Variants in SARNP observed in about 807,000 individuals in gnomAD.
SARNP encodes the protein SAP domain containing ribonucleoprotein, also known as SAP domain-containing ribonucleoprotein.
In SARNP, 5 loss-of-function variants were observed where a neutral mutation model predicts 38.1. That is an observed-to-expected ratio of 0.13 (90% CI 0.07 to 0.28). SARNP has a LOEUF of 0.28. Ranked by LOEUF, SARNP falls within the 10% of genes least tolerant of loss-of-function variation. SARNP has a pLI of 1.00. For missense variants in SARNP, 180 were observed against 243.9 expected (o/e 0.74, Z 1.75); for synonymous variants, 84 against 80.6 (o/e 1.04, Z -0.23).
chr12:55,805,937 T>A (rs1397340399), intron 1 of SARNP, among the ~76,000 whole-genome samples: 1 of 151,910 alleles, frequency 6.6e-6, no homozygotes, highest in African/African-American at 2.4e-5. Flanking sequence ...TTGAGGAGGC[T>A]GAGGCAGGAG....
chr12:55,813,539 A>T (rs1232689207), intron 1 of SARNP, among the ~76,000 whole-genome samples: 4 of 108,088 alleles, frequency 3.7e-5, no homozygotes, highest in Non-Finnish European at 5.2e-5. Context: ...GCTGCCTGGA[A>T]TTTTTTTTTT....
chr12:55,757,881 A>C (rs762785166), intron 10 of SARNP, among the ~76,000 whole-genome samples: 3 of 152,206 alleles, frequency 2.0e-5, no homozygotes, highest in Non-Finnish European at 2.9e-5. Context: ...GCTAGCCTGG[A>C]AACAATGGGC....
chr12:55,817,693 G>C lies in SARNP; in HGVS notation c.9C>G (p.Thr3=), dbSNP rs1192755394. The C allele has an allele frequency of 3.1e-6, 5 of 1,612,858 alleles. No homozygotes were observed. Among genetic ancestry groups the C allele is most frequent in the Non-Finnish European group, 2.5e-6 (3 of 1,179,570 alleles). The change falls in exon 1 of 11, where the codon ACC becomes ACG. Residue 3 remains threonine (T), a synonymous_variant. Coordinates refer to ENST00000336133, the MANE Select transcript of SARNP (RefSeq NM_033082.4). Reference sequence around the variant, plus strand: ...TTAGCTTATGGAGCTCCACCGTCTCGGTCGCCATCTTGTTACCCCTCACTC... The same window carrying C: ...TTAGCTTATGGAGCTCCACCGTCTCCGTCGCCATCTTGTTACCCCTCACTC... MA[T]ETVELHKLKL...
At chr12:55,804,171 T>C (rs1880067492) in intron 1 of SARNP, among the ~76,000 whole-genome samples, 1 of 152,240 alleles carries the variant, frequency 6.6e-6, no homozygotes, top group South Asian at 2.1e-4. Context: ...ATCTACCATA[T>C]ACATGCATAC....
intron 1 of SARNP, among the ~76,000 whole-genome samples, chr12:55,808,363 G>C (rs539504952): frequency 6.6e-6 from 1 of 151,740 alleles, no homozygotes; most frequent in Admixed American, 6.6e-5. Context: ...TTGCTGCCCA[G>C]GCTGGAGTGC....
chr12:55,757,588 T>C (rs747541984), intron 10 of SARNP, 35 bp from the exon 11 acceptor site: 51 of 1,576,786 alleles, frequency 3.2e-5, no homozygotes, highest in Non-Finnish European at 4.3e-5. Flanking sequence ...AAAATTAGAC[T>C]GAAGACAATA....
chr12:55,770,271 G>A (rs1878967222), intron 9 of SARNP, among the ~76,000 whole-genome samples: 1 of 150,880 alleles, frequency 6.6e-6, no homozygotes, highest in Non-Finnish European at 1.5e-5. Context: ...TGTCGCCCAG[G>A]CTGGAGTGCA....
chr12:55,796,554 C>T (rs1279357429), intron 4 of SARNP, among the ~76,000 whole-genome samples: 3 of 152,150 alleles, frequency 2.0e-5, no homozygotes, highest in Admixed American at 6.5e-5. Flanking sequence ...AGGCACCTGC[C>T]ACCACGCCGA....
chr12:55,791,963 C>T (rs927769817), intron 7 of SARNP, among the ~76,000 whole-genome samples: 4 of 151,980 alleles, frequency 2.6e-5, no homozygotes, highest in Admixed American at 1.3e-4. Context: ...TTAATTTTAA[C>T]TATTATCTTT....
chr12:55,769,603 T>C (rs191478159), intron 9 of SARNP, among the ~76,000 whole-genome samples: 3 of 152,356 alleles, frequency 2.0e-5, no homozygotes, highest in East Asian at 1.9e-4. Context: ...TGGAGCCAAA[T>C]GTGTGGCCTA....
chr12:55,787,149 T>C (rs546123778), intron 9 of SARNP, among the ~76,000 whole-genome samples: 3 of 151,718 alleles, frequency 2.0e-5, no homozygotes, highest in Admixed American at 6.6e-5. Flanking sequence ...GGAGGCTTGC[T>C]TGAGCCTGGG....
intron 1 of SARNP, among the ~76,000 whole-genome samples, chr12:55,807,730 C>A (rs559627941): frequency 6.7e-6 from 1 of 150,022 alleles, no homozygotes; most frequent in Non-Finnish European, 1.5e-5. Context: ...AGGAGAACGG[C>A]GTGAACCCGG....
chr12:55,801,861 T>C lies in SARNP; in HGVS notation c.137-961A>G, dbSNP rs138784019. On this transcript the variant is annotated intron_variant, in intron 2 of 10. Coordinates refer to ENST00000336133, the MANE Select transcript of SARNP (RefSeq NM_033082.4). ...TCAAACTCCGGGCCTCAAGAGATCATACCACCTTAGCCTCCCAAAGTGCTG... is the reference window on the plus strand; with the variant it reads ...TCAAACTCCGGGCCTCAAGAGATCACACCACCTTAGCCTCCCAAAGTGCTG... Among the ~76,000 whole-genome samples the C allele has an allele frequency of 2.7e-4, 41 of 152,204 alleles. No homozygotes were observed. In the East Asian group the frequency reaches 6.2e-3, roughly 23 times the overall value.
intron 1 of SARNP, 77 bp downstream of exon 1, chr12:55,817,589 T>A: frequency 3.6e-6 from 5 of 1,390,368 alleles, no homozygotes; most frequent in Non-Finnish European, 5.0e-6. Context: ...GGAGAAGACG[T>A]AGGAGAAGGC....
Position 55,806,236 on chromosome 12 carries a change from C to T in SARNP, c.37-2508G>A, listed in dbSNP as rs544049672. On this transcript the variant is annotated intron_variant, in intron 1 of 10. Transcript: ENST00000336133. ...TGTGAAATGGGAATGATAACAGTAC[C>T]TATTTCATAGGGTTGTTATGAAGAC... Among the ~76,000 whole-genome samples, 36 of 151,942 alleles carry T rather than the reference C, an allele frequency of 2.4e-4. No homozygotes were observed. The South Asian group carries it at 7.1e-3, about 30-fold the overall frequency.
intron 9 of SARNP, among the ~76,000 whole-genome samples, chr12:55,765,430 G>A (rs1372441684): frequency 1.3e-5 from 2 of 152,014 alleles, no homozygotes; most frequent in Non-Finnish European, 2.9e-5. Context: ...CTGTAATGTT[G>A]AATCCCTGGG....
downstream of SARNP, chr12:55,756,730 C>G (rs1878517148): frequency 6.6e-6 from 1 of 152,232 alleles, no homozygotes; most frequent in Non-Finnish European, 1.5e-5. Context: ...CAATGCGTAA[C>G]AGCTCTGACA....
chr12:55,791,384 T>C (rs1879663327), intron 7 of SARNP, among the ~76,000 whole-genome samples: 1 of 152,234 alleles, frequency 6.6e-6, no homozygotes, highest in African/African-American at 2.4e-5. Flanking sequence ...AAACAAGAAC[T>C]ACTATCATGA....
intron 1 of SARNP, 58 bp from the exon 2 acceptor site, chr12:55,803,786 A>C: frequency 8.9e-7 from 1 of 1,121,664 alleles, no homozygotes; most frequent in East Asian, 2.4e-5. Context: ...CAGTGAATAA[A>C]ATGGTAGTTC....
Sources: allele counts gnomAD v4.1 joint callset (sites outside exome capture counted in the v4.1 genomes callset), GRCh38; gene constraint gnomAD v4.1.1; transcripts MANE v1.5; gene names NCBI Gene and HGNC (gene_info 2026-07-23, HGNC 2026-07-21).